PDE4D: variants seen among roughly 807,000 people sequenced by gnomAD.
PDE4D encodes the protein 3',5'-cyclic-AMP phosphodiesterase 4D.
In PDE4D, 24 loss-of-function variants were observed where a neutral mutation model predicts 87.4. The ratio of observed to expected loss-of-function variants is 0.27; its 90% CI spans 0.20 to 0.39. PDE4D has a LOEUF of 0.39. PDE4D is among the 10% of genes least tolerant of loss of function. The pLI is 1.00. For synonymous variants in PDE4D, 384 were observed against 383.2 expected (o/e 1.00, Z -0.02); for missense variants, 714 against 1,041.0 (o/e 0.69, Z 4.32).
intron 3 of PDE4D, among the ~76,000 whole-genome samples, chr5:59,971,193 T>A (rs1176454303): frequency 8.9e-6 from 1 of 112,346 alleles, no homozygotes; most frequent in African/African-American, 3.4e-5. Context: ...AACATCACAC[T>A]CTGGGGACTG....
chr5:60,267,301 A>C (rs1750318686), intron 1 of PDE4D, among the ~76,000 whole-genome samples: 1 of 152,152 alleles, frequency 6.6e-6, no homozygotes, highest in Non-Finnish European at 1.5e-5. Flanking sequence ...GTTTCATGTG[A>C]GGGTTGTGTG....
chr5:60,407,291 T>G (rs1280635545), intron 1 of PDE4D, among the ~76,000 whole-genome samples: 1 of 151,764 alleles, frequency 6.6e-6, no homozygotes, highest in Admixed American at 6.6e-5. Context: ...ATCAAAACAC[T>G]CTAGCTGCAA....
At chr5:59,883,488 C>T (rs115882378) in intron 1 of PDE4D, among the ~76,000 whole-genome samples, 2 of 152,296 alleles carry the variant, frequency 1.3e-5, no homozygotes, top group Non-Finnish European at 2.9e-5. Flanking sequence ...ATGAATGGAA[C>T]TTAGACAACA....
intron 2 of PDE4D, among the ~76,000 whole-genome samples, chr5:60,178,097 C>A (rs543005198): frequency 6.6e-6 from 1 of 152,220 alleles, no homozygotes; most frequent in East Asian, 1.9e-4. Context: ...AATATTTCAT[C>A]AGATTGTTAA....
Position 58,972,580 on chromosome 5 carries a change from ATTC to A in PDE4D, c.*2081_*2083del, listed in dbSNP as rs1173562657. ...CATATAAATGCTTTTCAGAGTTGTA[ATTC>A]TTCTTAAACGTTTGATTTTCCACTT... On this transcript the variant is annotated 3_prime_UTR_variant, in exon 15 of 15. Transcript: ENST00000340635. 6.6e-6 allele frequency: 1 copy of A among 152,148 alleles called. No individual in the cohort carries two copies. The highest frequency in any genetic ancestry group is 6.5e-5 in the Admixed American group (1 of 15,276). 9.4% of individuals were successfully genotyped at this position (152,148 alleles called of 1,614,324 possible). A position where few individuals can be genotyped will look rare whatever the true frequency, so the allele number is the denominator to read the frequency against.
intron 1 of PDE4D, among the ~76,000 whole-genome samples, chr5:60,458,832 A>G (rs1417966893): frequency 6.6e-6 from 1 of 152,152 alleles, no homozygotes; most frequent in Non-Finnish European, 1.5e-5. Flanking sequence ...CCAAAAATGT[A>G]ACAAGCAAAT....
chr5:60,126,564 A>G (rs552106049), intron 2 of PDE4D, among the ~76,000 whole-genome samples: 36 of 152,344 alleles, frequency 2.4e-4, no homozygotes, highest in African/African-American at 7.9e-4. Context: ...CCTTCTAAAT[A>G]GCAACCTTAT....
intron 1 of PDE4D, among the ~76,000 whole-genome samples, chr5:60,514,850 A>AG (rs71606639): frequency 1.1e-4 from 16 of 152,166 alleles, no homozygotes; most frequent in East Asian, 1.9e-4. Flanking sequence ...CAATAAAGCA[A>AG]GGGGGGGAAA....
chr5:59,722,765 T>C (rs1179799878), intron 1 of PDE4D, among the ~76,000 whole-genome samples: 1 of 152,122 alleles, frequency 6.6e-6, no homozygotes, highest in African/African-American at 2.4e-5. Context: ...TTAAGCTCCT[T>C]GTATACCAGG....
intron 3 of PDE4D, among the ~76,000 whole-genome samples, chr5:59,953,538 C>T (rs931798275): frequency 7.2e-5 from 11 of 152,122 alleles, no homozygotes; most frequent in Non-Finnish European, 7.3e-5. Flanking sequence ...GAAAAGCACT[C>T]CTAATGCCTC....
At chr5:59,312,616 G>C (rs571532650) in intron 1 of PDE4D, among the ~76,000 whole-genome samples, 49 of 152,284 alleles carry the variant, frequency 3.2e-4, no homozygotes, top group African/African-American at 1.2e-3. Context: ...CTTAAACCCA[G>C]AATCTCCTGA....
chr5:59,186,638 T>C (rs945634030), intron 3 of PDE4D, among the ~76,000 whole-genome samples: 46 of 152,172 alleles, frequency 3.0e-4, no homozygotes, highest in African/African-American at 1.1e-3. Flanking sequence ...GTTTATGAAA[T>C]TGACATTCAT....
intron 1 of PDE4D, among the ~76,000 whole-genome samples, chr5:59,638,671 T>A (rs1195433371): frequency 2.6e-5 from 4 of 152,028 alleles, no homozygotes; most frequent in African/African-American, 4.8e-5. Context: ...AAGATACGTG[T>A]GAACACAGTT....
At chr5:59,319,819 G>A (rs928361103) in intron 1 of PDE4D, among the ~76,000 whole-genome samples, 1 of 152,098 alleles carries the variant, frequency 6.6e-6, no homozygotes, top group East Asian at 1.9e-4. Flanking sequence ...GCTGCAGTAT[G>A]AGTTTTTCAA....
At chr5:59,576,856 T>C (rs1435952317) in intron 1 of PDE4D, among the ~76,000 whole-genome samples, 1 of 152,196 alleles carries the variant, frequency 6.6e-6, no homozygotes, top group Non-Finnish European at 1.5e-5. Flanking sequence ...TATTTTCTTC[T>C]TTTAAAATTA....
chr5:60,455,104 T>C (rs1746370506), intron 1 of PDE4D, among the ~76,000 whole-genome samples: 1 of 152,122 alleles, frequency 6.6e-6, no homozygotes, highest in Non-Finnish European at 1.5e-5. Flanking sequence ...CAACCAATTA[T>C]AGGGTATAAA....
At chr5:59,379,079 C>T (rs1785265404) in intron 1 of PDE4D, among the ~76,000 whole-genome samples, 2 of 152,028 alleles carry the variant, frequency 1.3e-5, no homozygotes, top group African/African-American at 4.8e-5. Context: ...CAGGCCTCTC[C>T]AGCAGGCCCT....
Position 58,972,592 on chromosome 5 carries a change from C to T in PDE4D, c.*2072G>A, listed in dbSNP as rs796612405. ...TTTCAGAGTTGTAATTCTTCTTAAA[C>T]GTTTGATTTTCCACTTGTCAGATAC... is the stretch of plus-strand genomic sequence containing the variant. On this transcript the variant is annotated 3_prime_UTR_variant, in exon 15 of 15. Coordinates refer to ENST00000340635, the MANE Select transcript of PDE4D (RefSeq NM_001104631.2). 3.9e-5 allele frequency: 6 copies of T among 152,200 alleles called. No homozygotes were observed. Among genetic ancestry groups the T allele is most frequent in the East Asian group, 1.9e-4 (1 of 5,168 alleles). The allele number at this position is 152,200 out of a possible 1,614,324, so 9.4% of individuals were successfully genotyped here. A position where few individuals can be genotyped will look rare whatever the true frequency, so the allele number is the denominator to read the frequency against.
At chr5:59,331,772 AAC>A (rs778864151) in intron 1 of PDE4D, among the ~76,000 whole-genome samples, 87 of 152,342 alleles carry the variant, frequency 5.7e-4, no homozygotes, top group Non-Finnish European at 1.2e-3. Context: ...ATTCTAATAA[AAC>A]ACAGTCACTC....
Sources: allele counts gnomAD v4.1 joint callset (sites outside exome capture counted in the v4.1 genomes callset), GRCh38; gene constraint gnomAD v4.1.1; transcripts MANE v1.5; gene names NCBI Gene and HGNC (gene_info 2026-07-23, HGNC 2026-07-21).